The following MAL2 variants were observed in gnomAD, a reference collection of about 807,000 sequenced individuals.
MAL2 encodes the protein protein MAL2.
A neutral mutation model predicts 18.1 loss-of-function variants in MAL2; 17 were observed. The ratio of observed to expected loss-of-function variants is 0.94; its 90% CI spans 0.64 to 1.41. MAL2 has a LOEUF of 1.41. MAL2 is among the 40% of genes most tolerant of loss of function. The probability of loss-of-function intolerance (pLI) is 0.00; values close to 1 mark genes in which losing one functional copy is unlikely to be tolerated. For missense variants in MAL2, 222 were observed against 231.9 expected (o/e 0.96, Z 0.28); for synonymous variants, 102 against 102.3 (o/e 1.00, Z 0.02).
At chr8:119,221,524 T>A in intron 1 of MAL2, 63 bp from the exon 2 acceptor site, 1 of 1,588,872 alleles carries the variant, frequency 6.3e-7, no homozygotes, top group Non-Finnish European at 8.6e-7. Flanking sequence ...TACAAGCATG[T>A]TTAATTCTGT....
At chr8:119,209,267 G>A (rs1429440060) in intron 1 of MAL2, 2 of 152,660 alleles carry the variant, frequency 1.3e-5, no homozygotes, top group African/African-American at 4.8e-5. Context: ...GGGGAAAGAT[G>A]GAAACGTGGC....
chr8:119,233,198 T>C (rs566218073), intron 2 of MAL2, among the ~76,000 whole-genome samples: 1 of 152,236 alleles, frequency 6.6e-6, no homozygotes, highest in South Asian at 2.1e-4. Context: ...TTTATAACAC[T>C]AAATGCCCAC....
At chr8:119,220,259 A>G (rs1336649401) in intron 1 of MAL2, among the ~76,000 whole-genome samples, 1 of 152,154 alleles carries the variant, frequency 6.6e-6, no homozygotes, top group Non-Finnish European at 1.5e-5. Flanking sequence ...CCCACATCTG[A>G]TCAGTTACCA....
chr8:119,245,580 A>T lies in MAL2; in HGVS notation c.*2092A>T, dbSNP rs952804227. On this transcript the variant is annotated 3_prime_UTR_variant, in exon 4 of 4. Transcript: ENST00000614891. ...AACATGTCTTAGCTGTAAAAATGAG[A>T]AAGTGTTGGTTGGTTTTAAAATCTG... 21 of 152,556 alleles carry T rather than the reference A, an allele frequency of 1.4e-4. No individual in the cohort carries two copies. The highest frequency in any genetic ancestry group is 4.6e-4 in the African/African-American group (19 of 41,460). 9.5% of individuals were successfully genotyped at this position (152,556 alleles called of 1,614,324 possible). A position where few individuals can be genotyped will look rare whatever the true frequency, so the allele number is the denominator to read the frequency against.
At chr8:119,229,965 A>G (rs1018254651) in intron 2 of MAL2, among the ~76,000 whole-genome samples, 4 of 152,316 alleles carry the variant, frequency 2.6e-5, no homozygotes, top group African/African-American at 9.6e-5. Flanking sequence ...GCTCAGGTCA[A>G]TATCATATGT....
chr8:119,224,484 T>C (rs1817539779), intron 2 of MAL2, among the ~76,000 whole-genome samples: 1 of 152,226 alleles, frequency 6.6e-6, no homozygotes, highest in Non-Finnish European at 1.5e-5. Flanking sequence ...AAAGTATAAC[T>C]GGCACACATT....
chr8:119,213,931 TA>T (rs1017435527), intron 1 of MAL2, among the ~76,000 whole-genome samples: 8 of 151,528 alleles, frequency 5.3e-5, no homozygotes, highest in Admixed American at 1.3e-4. Context: ...GGCAGTCCTT[TA>T]AAAAAAAATA....
intron 2 of MAL2, among the ~76,000 whole-genome samples, chr8:119,229,311 C>CT (rs1817660728): frequency 1.5e-5 from 1 of 64,940 alleles, no homozygotes; most frequent in Non-Finnish European, 3.1e-5. Context: ...CACTGTGGGC[C>CT]TCTTTTTTTT....
chr8:119,235,436 A>T (rs1272044644), intron 2 of MAL2, among the ~76,000 whole-genome samples: 1 of 152,066 alleles, frequency 6.6e-6, no homozygotes, highest in East Asian at 1.9e-4. Context: ...CAGATTCAGG[A>T]AATACAGAGA....
chr8:119,234,642 T>C (rs1422360464), intron 2 of MAL2, among the ~76,000 whole-genome samples: 2 of 151,788 alleles, frequency 1.3e-5, no homozygotes, highest in Middle Eastern at 3.2e-3. Context: ...CTCAAGTGGG[T>C]CCCTGACCCC....
chr8:119,243,405 C>A lies in MAL2; in HGVS notation c.460-12C>A, dbSNP rs764925928. The A allele has an allele frequency of 1.3e-6, 2 of 1,569,720 alleles. No individual in the cohort carries two copies. Among genetic ancestry groups the A allele is most frequent in the Non-Finnish European group, 1.7e-6 (2 of 1,155,460 alleles). ...GTAAATCTGATGTGAATTTTTGTTT[C>A]TTTTTTCTTAGATTTTTGCCTTTAT... On this transcript the variant is annotated splice_polypyrimidine_tract_variant and intron_variant, in intron 3 of 3. Coordinates refer to ENST00000614891, the MANE Select transcript of MAL2 (RefSeq NM_052886.3).
intron 2 of MAL2, chr8:119,224,081 A>G (rs978076447): frequency 6.6e-6 from 1 of 152,152 alleles, no homozygotes; most frequent in Non-Finnish European, 1.5e-5. Context: ...TTCTAGATGT[A>G]TTTGTTGTAG....
intron 2 of MAL2, among the ~76,000 whole-genome samples, chr8:119,229,223 G>A (rs1817657446): frequency 6.6e-6 from 1 of 151,860 alleles, no homozygotes. Flanking sequence ...TGTCCCTGAA[G>A]CTTTGAAATG....
In MAL2 at chr8:119,216,329, G is replaced by T. The variant is rs994185509; in HGVS notation, c.133-5258G>T. Among the ~76,000 whole-genome samples, 44 of 152,122 alleles carry T rather than the reference G, an allele frequency of 2.9e-4. 1 individual carries two copies. Among genetic ancestry groups the T allele is most frequent in the Non-Finnish European group, 4.4e-4 (30 of 68,018 alleles). On this transcript the variant is annotated intron_variant, in intron 1 of 3. Coordinates refer to ENST00000614891, the MANE Select transcript of MAL2 (RefSeq NM_052886.3). ...GAATAGCAGAATGTTAAAATCATAA[G>T]TTCTGGAAGCCAATTGCCAAGTTCA... is the stretch of plus-strand genomic sequence containing the variant.
At chr8:119,229,247 C>T (rs978956161) in intron 2 of MAL2, among the ~76,000 whole-genome samples, 7 of 152,062 alleles carry the variant, frequency 4.6e-5, no homozygotes, top group Non-Finnish European at 1.0e-4. Flanking sequence ...TATCCCATGG[C>T]CCTGACAAGT....
chr8:119,228,307 G>GCAAA (rs1817639237), intron 2 of MAL2, among the ~76,000 whole-genome samples: 1 of 151,962 alleles, frequency 6.6e-6, no homozygotes, highest in Non-Finnish European at 1.5e-5. Flanking sequence ...TTGTCCCTTT[G>GCAAA]GGGACAAGGA....
At chr8:119,220,975 G>A (rs1336025435) in intron 1 of MAL2, 1 of 152,230 alleles carries the variant, frequency 6.6e-6, no homozygotes, top group African/African-American at 2.4e-5. Context: ...CTGAAATGTA[G>A]TAGGTATTTA....
In MAL2 at chr8:119,240,253, G is replaced by A; in HGVS notation, c.392G>A (p.Cys131Tyr). 1 of 1,613,554 alleles carries A rather than the reference G, an allele frequency of 6.2e-7. No homozygotes were observed. Among genetic ancestry groups the A allele is most frequent in the Non-Finnish European group, 8.5e-7 (1 of 1,179,774 alleles). Residue 131 changes from cysteine to tyrosine, a missense_variant, in exon 3 of 4, where the codon TGC (cysteine) becomes TAC (tyrosine). Physicochemically the swap from Cys to Tyr is radical, Grantham distance 194 (BLOSUM62 -2). Transcript: ENST00000614891. Reference protein sequence around the residue: ...AAATSLHDLHCNTTITGQPLL... With the variant: ...AAATSLHDLHYNTTITGQPLL... ...GCCACATCCCTGCATGATTTGCATT[G>A]CAATACAACCATAACCGGGCAGCCA...
intron 2 of MAL2, among the ~76,000 whole-genome samples, chr8:119,235,142 T>C (rs567783403): frequency 6.6e-6 from 1 of 151,944 alleles, no homozygotes; most frequent in South Asian, 2.1e-4. Context: ...AAACCAAGGC[T>C]CGAGAACTAT....
Sources: allele counts gnomAD v4.1 joint callset (sites outside exome capture counted in the v4.1 genomes callset), GRCh38; gene constraint gnomAD v4.1.1; transcripts MANE v1.5; gene names NCBI Gene and HGNC (gene_info 2026-07-23, HGNC 2026-07-21).